The following GRIK2 variants were observed in gnomAD, a reference collection of about 807,000 sequenced individuals.
GRIK2 encodes the protein glutamate ionotropic receptor kainate type subunit 2.
GRIK2 carries 32 observed loss-of-function variants against 100.3 expected under a neutral mutation model. The observed-to-expected ratio is 0.32, with a 90% confidence interval of 0.24 to 0.43. The LOEUF is 0.43. Ranked by LOEUF, GRIK2 falls within the 20% of genes least tolerant of loss-of-function variation. GRIK2 has a pLI of 1.00. For missense variants in GRIK2, 843 were observed against 1,114.9 expected (o/e 0.76, Z 3.47); for synonymous variants, 417 against 389.4 (o/e 1.07, Z -0.83).
At chr6:101,668,006 G>A (rs909997744) in intron 4 of GRIK2, among the ~76,000 whole-genome samples, 1 of 152,100 alleles carries the variant, frequency 6.6e-6, no homozygotes, top group Middle Eastern at 3.2e-3. Flanking sequence ...GTTTTAACAT[G>A]TTCTGGGTCT....
chr6:101,636,348 CA>C (rs1000150329), intron 4 of GRIK2, among the ~76,000 whole-genome samples: 28 of 151,896 alleles, frequency 1.8e-4, no homozygotes, highest in African/African-American at 6.8e-4. Context: ...TGGGGCCTGT[CA>C]GGGGGTGAGG....
Position 102,068,590 on chromosome 6 carries a change from T to C in GRIK2, c.*79T>C. On this transcript the variant is annotated 3_prime_UTR_variant, in exon 17 of 17. Coordinates refer to ENST00000369134, the MANE Select transcript of GRIK2 (RefSeq NM_021956.5). ...AGCCAGAATGTTTCCTGTGGAAATATGCAACCTGTGCAAAATAAAATGAGT... is the reference window on the plus strand; with the variant it reads ...AGCCAGAATGTTTCCTGTGGAAATACGCAACCTGTGCAAAATAAAATGAGT... 2 of 1,220,740 alleles carry C rather than the reference T, an allele frequency of 1.6e-6. No individual in the cohort carries two copies. Among genetic ancestry groups the C allele is most frequent in the Non-Finnish European group, 2.3e-6 (2 of 858,134 alleles). The allele number at this position is 1,220,740 out of a possible 1,614,324, so 75.6% of individuals were successfully genotyped here.
intron 14 of GRIK2, among the ~76,000 whole-genome samples, chr6:102,024,757 C>A (rs988264290): frequency 6.6e-6 from 1 of 150,850 alleles, no homozygotes; most frequent in Non-Finnish European, 1.5e-5. Context: ...TGTGGCTATC[C>A]TTCTATTTTG....
At chr6:101,795,490 C>T (rs1039909624) in intron 7 of GRIK2, among the ~76,000 whole-genome samples, 1 of 152,294 alleles carries the variant, frequency 6.6e-6, no homozygotes, top group East Asian at 1.9e-4. Flanking sequence ...TTAGTGGGCT[C>T]AGGTGGGCCA....
intron 11 of GRIK2, among the ~76,000 whole-genome samples, chr6:101,881,697 A>T (rs1022438420): frequency 2.7e-5 from 4 of 150,914 alleles, no homozygotes; most frequent in African/African-American, 4.9e-5. Flanking sequence ...AAAAAAAAAT[A>T]GAAAAATTGG....
chr6:101,941,649 T>C (rs1790961766), intron 14 of GRIK2, among the ~76,000 whole-genome samples: 1 of 152,152 alleles, frequency 6.6e-6, no homozygotes, highest in Admixed American at 6.6e-5. Flanking sequence ...AAGAGACCAT[T>C]TTTGGATGGA....
chr6:102,007,064 A>C (rs1359458864), intron 14 of GRIK2, among the ~76,000 whole-genome samples: 4 of 152,102 alleles, frequency 2.6e-5, no homozygotes, highest in African/African-American at 9.7e-5. Context: ...GTTGTGCATG[A>C]TACAATTGTA....
chr6:101,487,222 A>G lies in GRIK2; in HGVS notation c.115+87830A>G, dbSNP rs1013627710. Among the ~76,000 whole-genome samples the G allele has an allele frequency of 2.0e-5, 3 of 146,612 alleles. No individual in the cohort carries two copies. In the South Asian group the frequency reaches 6.5e-4, roughly 32 times the overall value. On this transcript the variant is annotated intron_variant, in intron 2 of 16. Transcript: ENST00000369134. ...TTTATTGTTTAATAATGTTTTTGCTAGTATGAGATTACAATATCCCAGGCT... is the reference window on the plus strand; with the variant it reads ...TTTATTGTTTAATAATGTTTTTGCTGGTATGAGATTACAATATCCCAGGCT...
intron 2 of GRIK2, among the ~76,000 whole-genome samples, chr6:101,476,262 T>C (rs887330101): frequency 5.3e-5 from 8 of 152,242 alleles, no homozygotes; most frequent in African/African-American, 1.9e-4. Context: ...TGTATTGTCT[T>C]CACACATCTT....
Position 101,466,322 on chromosome 6 carries a change from T to A in GRIK2, c.115+66930T>A, listed in dbSNP as rs920614048. On this transcript the variant is annotated intron_variant, in intron 2 of 16. Coordinates refer to ENST00000369134, the MANE Select transcript of GRIK2 (RefSeq NM_021956.5). ...TATAATTCTATTTTATTTTTTATTA[T>A]ATATAAATAAAAAGCTAATATGTAA... 2.0e-5 allele frequency among the ~76,000 whole-genome samples: 3 copies of A among 150,926 alleles called. No homozygotes were observed. The East Asian group carries it at 5.8e-4, about 29-fold the overall frequency.
chr6:102,003,331 T>C lies in GRIK2; in HGVS notation c.2086-32010T>C, dbSNP rs187993928. On this transcript the variant is annotated intron_variant, in intron 14 of 16. Transcript: ENST00000369134. Reference sequence around the variant, plus strand: ...GACAAATGGAATGCGAGTGCATATATACACGCACTCATGCTTATGTTTCTA... The same window carrying C: ...GACAAATGGAATGCGAGTGCATATACACACGCACTCATGCTTATGTTTCTA... Among the ~76,000 whole-genome samples the C allele has an allele frequency of 4.8e-3, 723 of 151,814 alleles. 7 individuals are homozygous for C. The highest frequency in any genetic ancestry group is 5.4e-3 in the Non-Finnish European group (367 of 67,738).
chr6:101,958,488 T>A (rs927016817), intron 14 of GRIK2, among the ~76,000 whole-genome samples: 1 of 152,100 alleles, frequency 6.6e-6, no homozygotes, highest in Non-Finnish European at 1.5e-5. Context: ...TCATTTGACG[T>A]CCTCTTTTCC....
intron 2 of GRIK2, among the ~76,000 whole-genome samples, chr6:101,608,787 GTGTGT>G (rs1562258411): frequency 8.6e-5 from 9 of 104,498 alleles, no homozygotes; most frequent in African/African-American, 3.2e-4. Context: ...ATAGAGGGGT[GTGTGT>G]GTGTGTGTGT....
intron 3 of GRIK2, among the ~76,000 whole-genome samples, chr6:101,625,063 T>C (rs569402398): frequency 1.6e-5 from 2 of 128,472 alleles, no homozygotes; most frequent in African/African-American, 3.5e-5. Context: ...AACCATGGCA[T>C]GAGGCCATTA....
chr6:101,717,319 C>T (rs577794668), intron 7 of GRIK2, among the ~76,000 whole-genome samples: 15 of 147,816 alleles, frequency 1.0e-4, no homozygotes, highest in Admixed American at 5.5e-4. Flanking sequence ...ATTCTTTCTC[C>T]AATAATAACA....
At chr6:102,011,772 G>C (rs12193760) in intron 14 of GRIK2, among the ~76,000 whole-genome samples, 6 of 151,692 alleles carry the variant, frequency 4.0e-5, no homozygotes, top group African/African-American at 1.5e-4. Context: ...ATTTTTACTA[G>C]AGACGGGGTT....
chr6:101,724,463 G>T (rs184068510), intron 7 of GRIK2, among the ~76,000 whole-genome samples: 2 of 151,798 alleles, frequency 1.3e-5, no homozygotes, highest in Non-Finnish European at 2.9e-5. Flanking sequence ...TTCTGTTTTT[G>T]AGTAAATTTG....
At chr6:101,415,338 T>C (rs947223101) in intron 2 of GRIK2, among the ~76,000 whole-genome samples, 6 of 151,754 alleles carry the variant, frequency 4.0e-5, no homozygotes, top group Admixed American at 2.0e-4. Context: ...TGTGGACATT[T>C]TTCTGTCGTC....
chr6:101,665,433 C>CT (rs1228229706), intron 4 of GRIK2, among the ~76,000 whole-genome samples: 1 of 152,166 alleles, frequency 6.6e-6, no homozygotes, highest in Non-Finnish European at 1.5e-5. Flanking sequence ...TGTATGTCTG[C>CT]TTTGGAGTTC....
Sources: gnomAD v4.1 joint callset for allele counts (sites outside exome capture counted in the v4.1 genomes callset) on GRCh38, gnomAD v4.1.1 for gene constraint, MANE v1.5 for transcripts, NCBI Gene and HGNC (gene_info 2026-07-23, HGNC 2026-07-21) for gene names.